Variants in REEP3 observed in about 807,000 individuals in gnomAD.
The protein encoded by REEP3 is receptor expression-enhancing protein 3.
A neutral mutation model predicts 41.3 loss-of-function variants in REEP3; 20 were observed. The observed-to-expected ratio is 0.48, with a 90% CI of 0.34 to 0.70. The LOEUF (loss-of-function observed/expected upper bound fraction) is 0.70, where lower values mean the gene tolerates loss of function less well. REEP3 is among the 30% of genes least tolerant of loss of function. REEP3 has a pLI of 0.01. For missense variants in REEP3, 271 were observed against 308.8 expected (o/e 0.88, Z 0.92); for synonymous variants, 104 against 101.8 (o/e 1.02, Z -0.13).
chr10:63,608,277 C>T (rs900107787), intron 5 of REEP3, among the ~76,000 whole-genome samples: 2 of 152,096 alleles, frequency 1.3e-5, no homozygotes, highest in Admixed American at 6.5e-5. Flanking sequence ...TGTGTGAAAT[C>T]CAATTATTTT....
At chr10:63,549,593 T>G (rs1417264756) in intron 1 of REEP3, among the ~76,000 whole-genome samples, 1 of 152,122 alleles carries the variant, frequency 6.6e-6, no homozygotes, top group Non-Finnish European at 1.5e-5. Context: ...CTAAGTAACT[T>G]TGGAAATGAT....
chr10:63,548,002 C>T (rs1955594500), intron 1 of REEP3, among the ~76,000 whole-genome samples: 1 of 152,148 alleles, frequency 6.6e-6, no homozygotes, highest in African/African-American at 2.4e-5. Context: ...ACGTTTTTCC[C>T]AAGGATGTAA....
intron 1 of REEP3, among the ~76,000 whole-genome samples, chr10:63,541,211 A>ATT (rs1295483810): frequency 2.0e-5 from 3 of 152,102 alleles, no homozygotes; most frequent in African/African-American, 7.2e-5. Context: ...TATAGTCTCA[A>ATT]TTTTTCATAT....
At chr10:63,607,135 G>A (rs950558661) in intron 5 of REEP3, among the ~76,000 whole-genome samples, 1 of 152,108 alleles carries the variant, frequency 6.6e-6, no homozygotes, top group Non-Finnish European at 1.5e-5. Flanking sequence ...TGTAATTTAC[G>A]TAATGTTTTC....
chr10:63,566,225 G>A (rs1304411210), intron 1 of REEP3, 113 bp from the exon 2 acceptor site: 1 of 681,228 alleles, frequency 1.5e-6, no homozygotes, highest in Non-Finnish European at 2.6e-6. Context: ...CTTTTTCTGA[G>A]CGGATTTAAT....
At chr10:63,600,676 A>G (rs187018768) in intron 5 of REEP3, among the ~76,000 whole-genome samples, 1 of 152,194 alleles carries the variant, frequency 6.6e-6, no homozygotes, top group African/African-American at 2.4e-5. Context: ...AATAGATGCA[A>G]TTATCAAAGA....
intron 2 of REEP3, among the ~76,000 whole-genome samples, chr10:63,572,545 G>C (rs531105445): frequency 2.0e-5 from 3 of 149,846 alleles, no homozygotes; most frequent in Admixed American, 2.0e-4. Flanking sequence ...TTGTTAAACT[G>C]ACTGTTAACA....
intron 2 of REEP3, among the ~76,000 whole-genome samples, chr10:63,588,773 A>T (rs1185299139): frequency 6.6e-6 from 1 of 152,250 alleles, no homozygotes; most frequent in Non-Finnish European, 1.5e-5. Flanking sequence ...AAGCAGAATA[A>T]GGAAGTTAGG....
chr10:63,530,393 T>C (rs1484499712), intron 1 of REEP3, among the ~76,000 whole-genome samples: 1 of 152,220 alleles, frequency 6.6e-6, no homozygotes, highest in Non-Finnish European at 1.5e-5. Flanking sequence ...TCATGAGTTG[T>C]ATCTAAGAAT....
chr10:63,550,149 CAA>C (rs1385218696), intron 1 of REEP3, among the ~76,000 whole-genome samples: 2 of 152,162 alleles, frequency 1.3e-5, no homozygotes, highest in Non-Finnish European at 2.9e-5. Flanking sequence ...GAAAATAAAA[CAA>C]GAGGATGGAT....
chr10:63,549,901 A>G (rs1312004121), intron 1 of REEP3, among the ~76,000 whole-genome samples: 2 of 152,214 alleles, frequency 1.3e-5, no homozygotes, highest in Non-Finnish European at 2.9e-5. Context: ...TGAGGAAACC[A>G]TGCTGGAACA....
rs1325283398 is a variant in REEP3, at chr10:63,621,452, T to C, written c.*583T>C. On this transcript the variant is annotated 3_prime_UTR_variant, in exon 8 of 8. Transcript: ENST00000373758. Reference sequence around the variant, plus strand: ...ACATAGCACTTTTATTCCTGACTAGTTTTGCACACTTGAAAATTGTTTACT... The same window carrying C: ...ACATAGCACTTTTATTCCTGACTAGCTTTGCACACTTGAAAATTGTTTACT... 3 of 152,622 alleles carry C rather than the reference T, an allele frequency of 2.0e-5. No individual in the cohort carries two copies. Among genetic ancestry groups the C allele is most frequent in the Non-Finnish European group, 2.9e-5 (2 of 68,030 alleles). The allele number at this position is 152,622 out of a possible 1,614,324, so 9.5% of individuals were successfully genotyped here.
rs57136647 is a variant in REEP3 at position 63,545,750 on chromosome 10, C to T, written c.33-20588C>T. On this transcript the variant is annotated intron_variant, in intron 1 of 7. Coordinates refer to ENST00000373758, the MANE Select transcript of REEP3 (RefSeq NM_001001330.3). ...TTGCCCACGCTGGAGTGCAGTGGCA[C>T]GATCTCAGCTCACTGCAACCTCTGC... 1.0e-4 allele frequency among the ~76,000 whole-genome samples: 15 copies of T among 143,686 alleles called. No individual in the cohort carries two copies. The East Asian group carries it at 1.6e-3, about 16-fold the overall frequency. 94.3% of individuals were successfully genotyped at this position (143,686 alleles called of 152,430 possible). A position where few individuals can be genotyped will look rare whatever the true frequency, so the allele number is the denominator to read the frequency against.
intron 2 of REEP3, among the ~76,000 whole-genome samples, chr10:63,576,106 G>A (rs1955896758): frequency 6.6e-6 from 1 of 152,110 alleles, no homozygotes; most frequent in Non-Finnish European, 1.5e-5. Context: ...TGTTTTTCAT[G>A]TATAATTTCC....
intron 1 of REEP3, among the ~76,000 whole-genome samples, chr10:63,559,171 CATATT>C (rs1450377156): frequency 3.3e-5 from 5 of 151,918 alleles, no homozygotes; most frequent in African/African-American, 1.2e-4. Context: ...ATTATTTTGT[CATATT>C]AGAGAGGGAA....
intron 1 of REEP3, among the ~76,000 whole-genome samples, chr10:63,525,421 A>G (rs564484467): frequency 6.6e-6 from 1 of 151,484 alleles, no homozygotes; most frequent in Admixed American, 6.6e-5. Context: ...CAGATTAGTT[A>G]CTTTTTTTTT....
At chr10:63,575,831 TCAAG>T (rs1260725734) in intron 2 of REEP3, among the ~76,000 whole-genome samples, 2 of 152,208 alleles carry the variant, frequency 1.3e-5, no homozygotes, top group African/African-American at 4.8e-5. Flanking sequence ...CCTCCCAGGT[TCAAG>T]CAATTCTCCT....
At chr10:63,543,654 G>A (rs1462215355) in intron 1 of REEP3, among the ~76,000 whole-genome samples, 2 of 152,100 alleles carry the variant, frequency 1.3e-5, no homozygotes, top group Admixed American at 6.6e-5. Flanking sequence ...AGTAAAGAAA[G>A]GGATTTTTTT....
At chr10:63,581,170 T>C (rs996466716) in intron 2 of REEP3, among the ~76,000 whole-genome samples, 1 of 152,216 alleles carries the variant, frequency 6.6e-6, no homozygotes, top group African/African-American at 2.4e-5. Context: ...CTTTCCATTA[T>C]GTAATTTTAA....
Sources: gnomAD v4.1 joint callset for allele counts (sites outside exome capture counted in the v4.1 genomes callset) on GRCh38, gnomAD v4.1.1 for gene constraint, MANE v1.5 for transcripts, NCBI Gene and HGNC (gene_info 2026-07-23, HGNC 2026-07-21) for gene names.